GRHL1: variants seen among roughly 807,000 people sequenced by gnomAD.
GRHL1 encodes grainyhead like transcription factor 1.
Under a neutral mutation model 75.7 loss-of-function variants are expected in GRHL1, and 38 were observed. The observed-to-expected ratio is 0.50, with a 90% CI of 0.39 to 0.66. The LOEUF (loss-of-function observed/expected upper bound fraction) is 0.66, where lower values mean the gene tolerates loss of function less well. Ranked by LOEUF, GRHL1 falls within the 30% of genes least tolerant of loss-of-function variation. GRHL1 has a pLI of 0.00. For synonymous variants in GRHL1, 266 were observed against 279.4 expected (o/e 0.95, Z 0.48); for missense variants, 589 against 767.5 (o/e 0.77, Z 2.75).
rs936493933 is a variant in GRHL1, at chr2:9,987,089, G to A, written c.1269+807G>A. Among the ~76,000 whole-genome samples, 1 of 150,140 alleles carries A rather than the reference G, an allele frequency of 6.7e-6. No homozygotes were observed. The highest frequency in any genetic ancestry group is 1.5e-5 in the Non-Finnish European group (1 of 67,734). On this transcript the variant is annotated intron_variant, in intron 9 of 15. Coordinates refer to ENST00000324907, the MANE Select transcript of GRHL1 (RefSeq NM_198182.3). The surrounding 1 kb of genome is among the most constrained non-coding windows in gnomAD (Gnocchi z 4.2). Reference sequence around the variant, plus strand: ...TGCTTCCCGGGTTCAAATGATTCTTGTGCCTCAGCCTCTCCAGTAGCTGGG... The same window carrying A: ...TGCTTCCCGGGTTCAAATGATTCTTATGCCTCAGCCTCTCCAGTAGCTGGG...
chr2:9,963,753 T>A (rs996278657), intron 5 of GRHL1, 133 bp from the exon 6 acceptor site: 1 of 593,040 alleles, frequency 1.7e-6, no homozygotes, highest in African/African-American at 1.9e-5. Context: ...GACTTGAGAA[T>A]TTTTAGCTGC....
At chr2:9,975,546 C>T (rs957108163) in intron 8 of GRHL1, among the ~76,000 whole-genome samples, 1 of 152,048 alleles carries the variant, frequency 6.6e-6, no homozygotes, top group Non-Finnish European at 1.5e-5. Context: ...TTGGATTCTA[C>T]CCAGATGACC....
At chr2:9,963,778 TCA>T (rs1667374997) in intron 5 of GRHL1, 106 bp from the exon 6 acceptor site, 1 of 742,278 alleles carries the variant, frequency 1.3e-6, no homozygotes, top group African/African-American at 1.8e-5. Context: ...TACTTTTGTT[TCA>T]GATTTTCTTT....
At chr2:9,962,680 T>G (rs1667326893) in intron 5 of GRHL1, 149 bp downstream of exon 5, 1 of 588,914 alleles carries the variant, frequency 1.7e-6, no homozygotes, top group Non-Finnish European at 3.1e-6. Flanking sequence ...AGAGGACATC[T>G]GCTTCAGTGC....
intron 2 of GRHL1, among the ~76,000 whole-genome samples, chr2:9,958,227 G>C (rs1667118996): frequency 1.4e-5 from 2 of 148,128 alleles, no homozygotes; most frequent in Admixed American, 1.4e-4. Context: ...GCCCAGGCCA[G>C]AGTGCAGTGG....
rs1558323519 is a variant in GRHL1, at chr2:10,000,762, C to T, written c.*55C>T. On this transcript the variant is annotated 3_prime_UTR_variant, in exon 16 of 16. Coordinates refer to ENST00000324907, the MANE Select transcript of GRHL1 (RefSeq NM_198182.3). ...TCAGTGCAGGTGTTTCTAGATCTTA[C>T]GGTTTGGCAACTGCAGGTAACCCCA... 1.5e-5 allele frequency: 15 copies of T among 1,005,452 alleles called. No individual in the cohort carries two copies. The highest frequency in any genetic ancestry group is 2.7e-5 in the South Asian group (2 of 72,932). The allele number at this position is 1,005,452 out of a possible 1,614,324, so 62.3% of individuals were successfully genotyped here. A position where few individuals can be genotyped will look rare whatever the true frequency, so the allele number is the denominator to read the frequency against.
rs367658034 is a variant in GRHL1, at chr2:9,958,322, G to A, written c.208-464G>A. Among the ~76,000 whole-genome samples the A allele has an allele frequency of 5.3e-5, 8 of 152,092 alleles. No individual in the cohort carries two copies. The East Asian group carries it at 1.2e-3, about 22-fold the overall frequency. On this transcript the variant is annotated intron_variant, in intron 2 of 15. Transcript: ENST00000324907. Reference sequence around the variant, plus strand: ...CTCTCTTGTGTAGCTGAGACTACAGGCACATGCTACCACGCCTGGCTAATT... The same window carrying A: ...CTCTCTTGTGTAGCTGAGACTACAGACACATGCTACCACGCCTGGCTAATT...
In GRHL1 at chr2:10,001,900, T is replaced by C. The variant is rs115223019; in HGVS notation, c.*1193T>C. On this transcript the variant is annotated 3_prime_UTR_variant, in exon 16 of 16. Coordinates refer to ENST00000324907, the MANE Select transcript of GRHL1 (RefSeq NM_198182.3). ...CAGAGCCTTCGTGCTTTGATTATCTTGTATGTTAACAATTCTAGAAAACAT... is the reference window on the plus strand; with the variant it reads ...CAGAGCCTTCGTGCTTTGATTATCTCGTATGTTAACAATTCTAGAAAACAT... 2,554 of 152,610 alleles carry C rather than the reference T, an allele frequency of 0.017. 33 individuals are homozygous for C. The highest frequency in any genetic ancestry group is 0.028 in the Non-Finnish European group (1,918 of 67,964). 9.5% of individuals were successfully genotyped at this position (152,610 alleles called of 1,614,324 possible). A position where few individuals can be genotyped will look rare whatever the true frequency, so the allele number is the denominator to read the frequency against.
At chr2:9,957,922 T>C (rs1667104874) in intron 2 of GRHL1, among the ~76,000 whole-genome samples, 1 of 152,240 alleles carries the variant, frequency 6.6e-6, no homozygotes, top group Admixed American at 6.5e-5. Context: ...GAGTTAGACT[T>C]GTCCTTTGGG....
At chr2:9,963,030 T>A (rs1331719569) in intron 5 of GRHL1, among the ~76,000 whole-genome samples, 4 of 152,222 alleles carry the variant, frequency 2.6e-5, no homozygotes, top group African/African-American at 9.7e-5. Flanking sequence ...TCCAAGTTAA[T>A]TAGGAACTCA....
chr2:9,988,184 G>A (rs545101104), intron 9 of GRHL1, among the ~76,000 whole-genome samples: 4 of 152,200 alleles, frequency 2.6e-5, no homozygotes, highest in African/African-American at 9.6e-5. Context: ...TGGTTAAGTT[G>A]CTCGGAAACC....
At chr2:9,984,349 T>G (rs1009021032) in intron 8 of GRHL1, among the ~76,000 whole-genome samples, 11 of 152,188 alleles carry the variant, frequency 7.2e-5, no homozygotes, top group African/African-American at 2.7e-4. Flanking sequence ...AATGGGCCAG[T>G]CTTAGTTTTA....
Position 9,951,738 on chromosome 2 carries a change from C to T in GRHL1, c.-96C>T. On this transcript the variant is annotated 5_prime_UTR_variant, in exon 1 of 16. Coordinates refer to ENST00000324907, the MANE Select transcript of GRHL1 (RefSeq NM_198182.3). The surrounding 1 kb of genome is among the most constrained non-coding windows in gnomAD (Gnocchi z 4.2). ...AACCCGTCGGGGCCGCCGCTCCGGA[C>T]CCGCAGCCGCCGCCGCCGCCTCCTC... 8.3e-7 allele frequency: 1 copy of T among 1,201,266 alleles called. No homozygotes were observed. Among genetic ancestry groups the T allele is most frequent in the Non-Finnish European group, 1.1e-6 (1 of 871,492 alleles). The allele number at this position is 1,201,266 out of a possible 1,614,324, so 74.4% of individuals were successfully genotyped here.
rs953628082 is a variant in GRHL1, at chr2:9,992,322, C to A, written c.1461+176C>A. On this transcript the variant is annotated intron_variant, in intron 11 of 15. Transcript: ENST00000324907. This position sits in a 1 kb window ranked among gnomAD's most constrained non-coding sequence, Gnocchi z 4.6. ...ATGCCCGTGCAATAAAAATGGTAAG[C>A]ATCGCTGATTTCAAGGTGCAGTGCA... 6.6e-5 allele frequency among the ~76,000 whole-genome samples: 10 copies of A among 152,186 alleles called. No individual in the cohort carries two copies. The highest frequency in any genetic ancestry group is 7.3e-5 in the Non-Finnish European group (5 of 68,030).
chr2:9,957,788 A>C (rs933962976), intron 2 of GRHL1, among the ~76,000 whole-genome samples: 6 of 152,228 alleles, frequency 3.9e-5, no homozygotes, highest in African/African-American at 1.4e-4. Flanking sequence ...TAAGCACCTT[A>C]GCCATTTTGG....
rs752155021 is a variant in GRHL1, at chr2:9,986,264, C to A, written c.1251C>A (p.Ile417=). The A allele has an allele frequency of 6.2e-7, 1 of 1,613,318 alleles. No homozygotes were observed. The highest frequency in any genetic ancestry group is 1.3e-5 in the African/African-American group (1 of 74,842). ...NKPVHRAYCQ[I]KVFCDKGAER... is the part of the protein sequence containing the mutation. ...CTGTGCACCGGGCCTACTGCCAGAT[C>A]AAGGTCTTCTGTGACAAGGTAAGAT... Residue 417 remains isoleucine (I), a synonymous_variant, in exon 9 of 16, where the codon ATC becomes ATA. Transcript: ENST00000324907.
intron 8 of GRHL1, among the ~76,000 whole-genome samples, chr2:9,983,295 T>G (rs1441105205): frequency 6.8e-6 from 1 of 147,322 alleles, no homozygotes; most frequent in African/African-American, 2.5e-5. Flanking sequence ...TGTATTTATC[T>G]AGGCAAGGTA....
At chr2:9,955,269 T>G (rs1237603550) in intron 2 of GRHL1, among the ~76,000 whole-genome samples, 168 bp downstream of exon 2, 1 of 152,242 alleles carries the variant, frequency 6.6e-6, no homozygotes, top group East Asian at 1.9e-4. Context: ...TAAAAATCTG[T>G]GATTGTAGAA....
Position 9,992,974 on chromosome 2 carries a change from C to T in GRHL1, c.1462-233C>T, listed in dbSNP as rs1668708085. Reference sequence around the variant, plus strand: ...GCAGCATGTGAATGAATGAGCGTGGCTTTGTTTCAGTAAAGACTTTATTTA... The same window carrying T: ...GCAGCATGTGAATGAATGAGCGTGGTTTTGTTTCAGTAAAGACTTTATTTA... On this transcript the variant is annotated intron_variant, in intron 11 of 15. Transcript: ENST00000324907. This position sits in a 1 kb window ranked among gnomAD's most constrained non-coding sequence, Gnocchi z 4.6. Among the ~76,000 whole-genome samples the T allele has an allele frequency of 6.6e-6, 1 of 152,180 alleles. No homozygotes were observed.
Sources: gnomAD v4.1 joint callset for allele counts (sites outside exome capture counted in the v4.1 genomes callset) on GRCh38, gnomAD v4.1.1 for gene constraint, Gnocchi (gnomAD v3.1) non-coding constraint, MANE v1.5 for transcripts, NCBI Gene and HGNC (gene_info 2026-07-23, HGNC 2026-07-21) for gene names.